Variants in ADAMTSL3 observed in about 807,000 individuals in gnomAD.
ADAMTSL3 encodes the protein ADAMTS-like protein 3.
A neutral mutation model predicts 201.7 loss-of-function variants in ADAMTSL3; 128 were observed. That is an observed-to-expected ratio of 0.63 (90% confidence interval 0.55 to 0.73). ADAMTSL3 has a LOEUF of 0.73. ADAMTSL3 is among the 30% of genes least tolerant of loss of function. The probability of loss-of-function intolerance (pLI) is 0.00; values close to 1 mark genes in which losing one functional copy is unlikely to be tolerated. For synonymous variants in ADAMTSL3, 738 were observed against 748.4 expected (o/e 0.99, Z 0.23); for missense variants, 1,990 against 2,119.6 (o/e 0.94, Z 1.20).
At chr15:83,999,852 T>G (rs2067758753) in intron 23 of ADAMTSL3, among the ~76,000 whole-genome samples, 1 of 152,198 alleles carries the variant, frequency 6.6e-6, no homozygotes, top group African/African-American at 2.4e-5. Context: ...AATTATTAAC[T>G]TTCTTTACTG....
chr15:83,692,156 C>A (rs2061617333), intron 2 of ADAMTSL3, among the ~76,000 whole-genome samples: 1 of 145,254 alleles, frequency 6.9e-6, no homozygotes. Flanking sequence ...TTTTTTTTTT[C>A]CTGCTGATTT....
chr15:83,842,178 C>A (rs2064393298), intron 7 of ADAMTSL3, among the ~76,000 whole-genome samples: 1 of 150,580 alleles, frequency 6.6e-6, no homozygotes, highest in Non-Finnish European at 1.5e-5. Context: ...AGAATGAGTG[C>A]AAAGGTTTAT....
At chr15:83,851,857 A>G (rs910581298) in intron 7 of ADAMTSL3, among the ~76,000 whole-genome samples, 1 of 152,232 alleles carries the variant, frequency 6.6e-6, no homozygotes, top group Non-Finnish European at 1.5e-5. Context: ...CAAATGGCAC[A>G]GAAGGATATA....
intron 23 of ADAMTSL3, among the ~76,000 whole-genome samples, chr15:83,996,369 T>C (rs983260862): frequency 6.6e-6 from 1 of 152,190 alleles, no homozygotes; most frequent in Non-Finnish European, 1.5e-5. Flanking sequence ...TTCTGATCCC[T>C]GAAAGACATT....
intron 19 of ADAMTSL3, among the ~76,000 whole-genome samples, chr15:83,951,222 A>C (rs1596459111): frequency 6.6e-6 from 1 of 151,766 alleles, no homozygotes; most frequent in East Asian, 1.9e-4. Context: ...GATTTTTGTC[A>C]TGAAGGGATG....
chr15:83,954,389 T>TA (rs1311973262), intron 19 of ADAMTSL3, among the ~76,000 whole-genome samples: 1 of 152,216 alleles, frequency 6.6e-6, no homozygotes, highest in Non-Finnish European at 1.5e-5. Flanking sequence ...TTTTAAAAAT[T>TA]AATCTCTTTG....
At chr15:83,801,651 A>AATT (rs2063518749) in intron 4 of ADAMTSL3, among the ~76,000 whole-genome samples, 1 of 31,288 alleles carries the variant, frequency 3.2e-5, no homozygotes, top group Non-Finnish European at 6.7e-5. Flanking sequence ...TATAAATATA[A>AATT]ATATATATAT....
At chr15:83,704,262 C>T (rs2061817187) in intron 2 of ADAMTSL3, 127 bp from the exon 3 acceptor site, 2 of 1,409,314 alleles carry the variant, frequency 1.4e-6, no homozygotes, top group South Asian at 1.3e-5. Context: ...CAAGAGAGGT[C>T]ACTTCCCTTT....
At chr15:83,850,414 A>T (rs552856769) in intron 7 of ADAMTSL3, among the ~76,000 whole-genome samples, 21 of 151,792 alleles carry the variant, frequency 1.4e-4, no homozygotes, top group Admixed American at 1.4e-3. Flanking sequence ...ATATACATGT[A>T]TATACATATG....
intron 7 of ADAMTSL3, among the ~76,000 whole-genome samples, chr15:83,844,940 C>A (rs1250749835): frequency 6.6e-6 from 1 of 152,206 alleles, no homozygotes; most frequent in Admixed American, 6.5e-5. Context: ...TATCATCTGG[C>A]CCCTGTGTTA....
chr15:83,829,397 C>T (rs972593529), intron 6 of ADAMTSL3, among the ~76,000 whole-genome samples: 7 of 151,824 alleles, frequency 4.6e-5, no homozygotes, highest in East Asian at 3.9e-4. Flanking sequence ...TTTTATTGCG[C>T]CTATTTGATT....
At chr15:84,027,325 A>G (rs920322971) in intron 27 of ADAMTSL3, among the ~76,000 whole-genome samples, 3 of 152,246 alleles carry the variant, frequency 2.0e-5, no homozygotes, top group African/African-American at 7.2e-5. Context: ...CGGTTCCTCA[A>G]AATGTTAGAT....
chr15:84,024,082 C>T (rs1372283400), intron 26 of ADAMTSL3, among the ~76,000 whole-genome samples: 2 of 152,154 alleles, frequency 1.3e-5, no homozygotes, highest in South Asian at 2.1e-4. Flanking sequence ...GGTGAAACCC[C>T]GTCCCTACTA....
At chr15:83,853,904 ATCTCTATC>A (rs1003917314) in intron 7 of ADAMTSL3, among the ~76,000 whole-genome samples, 18 of 113,950 alleles carry the variant, frequency 1.6e-4, no homozygotes, top group African/African-American at 3.8e-4. Flanking sequence ...CTATCACTCT[ATCTCTATC>A]TATCTATCTA....
At chr15:83,847,099 T>C (rs192309136) in intron 7 of ADAMTSL3, among the ~76,000 whole-genome samples, 2 of 152,330 alleles carry the variant, frequency 1.3e-5, no homozygotes, top group Admixed American at 6.5e-5. Flanking sequence ...AAGATACTCA[T>C]TTGCAGATTG....
Position 84,021,552 on chromosome 15 carries a change from G to T in ADAMTSL3, c.4416G>T (p.Leu1472=). Reference sequence around the variant, plus strand: ...TGTGTGATCACCTCCAGAAGCCACTGGCTGGGTTTGAGCCCTGTAACATCC... The same window carrying T: ...TGTGTGATCACCTCCAGAAGCCACTTGCTGGGTTTGAGCCCTGTAACATCC... The part of the protein sequence containing the change: ...EALCDHLQKP[L]AGFEPCNIRD... The change falls in exon 26 of 30, where the codon CTG becomes CTT. Residue 1472 remains leucine, a synonymous_variant. Coordinates refer to ENST00000286744, the MANE Select transcript of ADAMTSL3 (RefSeq NM_207517.3). 2 of 1,614,166 alleles carry T rather than the reference G, an allele frequency of 1.2e-6. No homozygotes were observed. Among genetic ancestry groups the T allele is most frequent in the Non-Finnish European group, 1.7e-6 (2 of 1,180,028 alleles).
intron 6 of ADAMTSL3, among the ~76,000 whole-genome samples, chr15:83,822,727 A>G (rs945943115): frequency 6.7e-6 from 1 of 148,958 alleles, no homozygotes; most frequent in Non-Finnish European, 1.5e-5. Context: ...AGCCAGGCAG[A>G]GGGGCTCCTC....
At chr15:83,939,625 C>CTTTTT (rs561880272) in intron 17 of ADAMTSL3, among the ~76,000 whole-genome samples, 1 of 140,378 alleles carries the variant, frequency 7.1e-6, no homozygotes, top group Non-Finnish European at 1.6e-5. Flanking sequence ...GAAGGACCAA[C>CTTTTT]TTTTTTTTTT....
chr15:83,845,879 G>A (rs1249462809), intron 7 of ADAMTSL3, among the ~76,000 whole-genome samples: 2 of 152,120 alleles, frequency 1.3e-5, no homozygotes, highest in Admixed American at 6.5e-5. Flanking sequence ...CAAGAGGGAG[G>A]TTTAGTTTTT....
Sources: gnomAD v4.1 joint callset for allele counts (sites outside exome capture counted in the v4.1 genomes callset) on GRCh38, gnomAD v4.1.1 for gene constraint, MANE v1.5 for transcripts, NCBI Gene and HGNC (gene_info 2026-07-23, HGNC 2026-07-21) for gene names.